The following GALNTL6 variants were observed in gnomAD, a reference collection of about 807,000 sequenced individuals.
The protein encoded by GALNTL6 is polypeptide N-acetylgalactosaminyltransferase-like 6.
A neutral mutation model predicts 73.7 loss-of-function variants in GALNTL6; 46 were observed. The observed-to-expected ratio is 0.62, with a 90% CI of 0.49 to 0.80. GALNTL6 has a LOEUF of 0.80. Ranked by LOEUF, GALNTL6 falls within the 30% of genes least tolerant of loss-of-function variation. GALNTL6 has a pLI of 0.00. For missense variants in GALNTL6, 604 were observed against 755.0 expected, an observed-to-expected ratio of 0.80 and a Z score of 2.34; for synonymous variants, 259 against 263.7, an observed-to-expected ratio of 0.98 and a Z score of 0.17.
At chr4:172,832,882 A>G (rs1425021852) in intron 7 of GALNTL6, among the ~76,000 whole-genome samples, 1 of 152,148 alleles carries the variant, frequency 6.6e-6, no homozygotes, top group Non-Finnish European at 1.5e-5. Context: ...TTGTCTCACC[A>G]TCTAACAGCT....
chr4:171,953,585 A>C (rs1473038919), intron 2 of GALNTL6, among the ~76,000 whole-genome samples: 1 of 152,166 alleles, frequency 6.6e-6, no homozygotes, highest in Non-Finnish European at 1.5e-5. Context: ...TTACAGACCT[A>C]AATACAAGAC....
chr4:172,302,755 A>C, intron 3 of GALNTL6, among the ~76,000 whole-genome samples: 1 of 152,144 alleles, frequency 6.6e-6, no homozygotes. Context: ...CAACTTTTAA[A>C]AATAGATATA....
At chr4:172,850,643 G>T (rs560706572) in intron 7 of GALNTL6, among the ~76,000 whole-genome samples, 1 of 152,186 alleles carries the variant, frequency 6.6e-6, no homozygotes, top group East Asian at 1.9e-4. Flanking sequence ...TCCAACAGGT[G>T]AAAAGCTTAG....
intron 7 of GALNTL6, among the ~76,000 whole-genome samples, chr4:172,881,630 T>A (rs947028434): frequency 6.6e-6 from 1 of 152,238 alleles, no homozygotes; most frequent in Non-Finnish European, 1.5e-5. Flanking sequence ...GTGTCTACTA[T>A]GGTTATGCAT....
At chr4:172,113,975 C>T (rs1440925975) in intron 2 of GALNTL6, among the ~76,000 whole-genome samples, 1 of 152,104 alleles carries the variant, frequency 6.6e-6, no homozygotes, top group Non-Finnish European at 1.5e-5. Context: ...TATAACTACT[C>T]AATCTCTTAC....
chr4:171,922,949 T>C (rs886749404), intron 2 of GALNTL6, among the ~76,000 whole-genome samples: 15 of 152,144 alleles, frequency 9.9e-5, no homozygotes, highest in African/African-American at 3.6e-4. Context: ...ATAATTGTAT[T>C]TACTTACTCC....
At chr4:172,775,173 GTAC>G (rs1739004861) in intron 5 of GALNTL6, among the ~76,000 whole-genome samples, 1 of 151,978 alleles carries the variant, frequency 6.6e-6, no homozygotes, top group Non-Finnish European at 1.5e-5. Context: ...AAGTATAGTT[GTAC>G]AACTATTATT....
chr4:172,963,995 G>A (rs1392007932), intron 10 of GALNTL6, among the ~76,000 whole-genome samples: 2 of 152,174 alleles, frequency 1.3e-5, no homozygotes, highest in African/African-American at 4.8e-5. Flanking sequence ...GGTAGGCAAG[G>A]AGAGTGGGTA....
rs199943590 is a variant in GALNTL6 at position 172,439,131 on chromosome 4, G to C, written c.553+90442G>C. ...TTCCTAATTTTAAAAACCTTCTCTT[G>C]ATAACACTTCATCCTCCAGCTACCC... On this transcript the variant is annotated intron_variant, in intron 5 of 12. Transcript: ENST00000506823. Among the ~76,000 whole-genome samples, 4 of 149,026 alleles carry C rather than the reference G, an allele frequency of 2.7e-5. No homozygotes were observed. The East Asian group carries it at 8.0e-4, about 30-fold the overall frequency.
Position 171,956,464 on chromosome 4 carries a change from T to G in GALNTL6, c.138+141746T>G, listed in dbSNP as rs1285760719. ...TATATGACAGGGTTGATAAAAACCA[T>G]CCTTGTACACATCTTTATCAAGATC... is the stretch of plus-strand genomic sequence containing the variant. On this transcript the variant is annotated intron_variant, in intron 2 of 12. Transcript: ENST00000506823. Among the ~76,000 whole-genome samples, 3 of 152,298 alleles carry G rather than the reference T, an allele frequency of 2.0e-5. No homozygotes were observed. In the East Asian group the frequency reaches 5.8e-4, roughly 29 times the overall value.
intron 8 of GALNTL6, among the ~76,000 whole-genome samples, chr4:172,890,638 C>T (rs751974006): frequency 1.4e-4 from 21 of 152,024 alleles, no homozygotes; most frequent in Non-Finnish European, 2.5e-4. Context: ...GTGTATGTTC[C>T]GTGTGCCAAG....
intron 2 of GALNTL6, among the ~76,000 whole-genome samples, chr4:171,846,646 T>C (rs758352266): frequency 4.6e-5 from 7 of 151,550 alleles, no homozygotes; most frequent in Non-Finnish European, 7.4e-5. Context: ...AAGATTGTAA[T>C]CTATTATCTA....
chr4:172,195,217 T>A (rs1227746063), intron 2 of GALNTL6, among the ~76,000 whole-genome samples: 2 of 152,056 alleles, frequency 1.3e-5, no homozygotes, highest in Non-Finnish European at 2.9e-5. Context: ...TAATAGTAAA[T>A]GGTTCAATTC....
chr4:172,621,628 AT>A (rs1738961112), intron 5 of GALNTL6, among the ~76,000 whole-genome samples: 1 of 152,066 alleles, frequency 6.6e-6, no homozygotes, highest in Admixed American at 6.6e-5. Context: ...GTTTTAAAGT[AT>A]TTTTCTTAGA....
chr4:172,107,803 G>A (rs1414406462), intron 2 of GALNTL6, among the ~76,000 whole-genome samples: 1 of 148,420 alleles, frequency 6.7e-6, no homozygotes, highest in Non-Finnish European at 1.5e-5. Context: ...TTGTGCACAT[G>A]TACTCTAAAA....
intron 2 of GALNTL6, among the ~76,000 whole-genome samples, chr4:172,031,284 T>C (rs1421052080): frequency 6.6e-6 from 1 of 152,022 alleles, no homozygotes; most frequent in South Asian, 2.1e-4. Context: ...TTACTCCAAC[T>C]CCACCAAATT....
chr4:171,827,704 A>G (rs1481789628), intron 2 of GALNTL6, among the ~76,000 whole-genome samples: 1 of 152,138 alleles, frequency 6.6e-6, no homozygotes, highest in African/African-American at 2.4e-5. Flanking sequence ...TATCTTATCT[A>G]AAGGAAGTAA....
At chr4:172,414,161 T>C (rs937972629) in intron 5 of GALNTL6, among the ~76,000 whole-genome samples, 4 of 152,172 alleles carry the variant, frequency 2.6e-5, no homozygotes, top group African/African-American at 9.6e-5. Context: ...GCACCCAAAC[T>C]AGTAGTCATA....
chr4:172,557,327 G>C (rs1736185440), intron 5 of GALNTL6, among the ~76,000 whole-genome samples: 1 of 151,996 alleles, frequency 6.6e-6, no homozygotes, highest in Non-Finnish European at 1.5e-5. Context: ...GGAGACCTTG[G>C]GGCTGGCAAA....
Sources: gnomAD v4.1 joint callset for allele counts (sites outside exome capture counted in the v4.1 genomes callset) on GRCh38, gnomAD v4.1.1 for gene constraint, MANE v1.5 for transcripts, NCBI Gene and HGNC (gene_info 2026-07-23, HGNC 2026-07-21) for gene names.